Variants in LTN1 observed in about 807,000 individuals in gnomAD.
The protein encoded by LTN1 is E3 ubiquitin-protein ligase listerin.
Under a neutral mutation model 201.2 loss-of-function variants are expected in LTN1, and 88 were observed. That is an observed-to-expected ratio of 0.44 (90% confidence interval 0.37 to 0.52). The LOEUF is 0.52. Among genes scored for constraint, LTN1 ranks in the 20% least tolerant of loss-of-function variants. LTN1 has a pLI of 0.00. For synonymous variants in LTN1, 645 were observed against 713.5 expected (o/e 0.90, Z 1.53); for missense variants, 1,752 against 2,038.7 (o/e 0.86, Z 2.71).
At chr21:28,964,760 T>C (rs78050209) in intron 11 of LTN1, 1 of 1,549,664 alleles carries the variant, frequency 6.5e-7, no homozygotes, top group Non-Finnish European at 8.7e-7. Flanking sequence ...TCACGGCAGG[T>C]ACATTCCTAA....
At chr21:28,944,336 G>T in intron 22 of LTN1, 47 bp downstream of exon 22, 1 of 1,443,608 alleles carries the variant, frequency 6.9e-7, no homozygotes, top group Non-Finnish European at 9.7e-7. Context: ...TTTTCAGTAA[G>T]TCATTTCCAA....
In LTN1 at chr21:28,986,592, C is replaced by A; in HGVS notation, c.246+139G>T. The A allele has an allele frequency of 2.9e-6, 2 of 696,070 alleles. No homozygotes were observed. Among genetic ancestry groups the A allele is most frequent in the East Asian group, 5.4e-5 (2 of 36,816 alleles). 43.1% of individuals were successfully genotyped at this position (696,070 alleles called of 1,614,324 possible). ...AAATAAATATCAACTAAGTTTAAGA[C>A]TCTGTGTCAGAAAAAAGTACAATTA... On this transcript the variant is annotated intron_variant, in intron 2 of 29. Transcript: ENST00000361371. The surrounding 1 kb of genome is among the most constrained non-coding windows in gnomAD (Gnocchi z 4.1).
In LTN1 at chr21:28,967,037, T is replaced by C. The variant is rs375522349; in HGVS notation, c.1454A>G (p.Asn485Ser). The C allele has an allele frequency of 6.5e-5, 105 of 1,614,004 alleles. No homozygotes were observed. The highest frequency in any genetic ancestry group is 8.6e-5 in the Non-Finnish European group (102 of 1,180,022). Residue 485 changes from asparagine to serine, a missense_variant, in exon 10 of 30, where the codon AAC becomes AGC. By Grantham distance (46) the Asn-to-Ser change is conservative. This residue lies in a region of LTN1 where 1,211 missense variants were observed against 1,312.8 expected (regional missense o/e 0.92). Coordinates refer to ENST00000361371, the MANE Select transcript of LTN1 (RefSeq NM_015565.3). ...TCTTTCCCAGAAATGTATCAGTACGTTCTCCAAGTTGTGAGCTGTTTTTTC... is the reference window on the plus strand; with the variant it reads ...TCTTTCCCAGAAATGTATCAGTACGCTCTCCAAGTTGTGAGCTGTTTTTTC... Reference protein sequence around the residue: ...KDEKTAHNLENVLIHFWERLS... With the variant: ...KDEKTAHNLESVLIHFWERLS...
Position 28,957,433 on chromosome 21 carries a change from G to T in LTN1, c.2791C>A (p.Leu931Ile). The stretch of plus-strand genomic sequence containing the variant: ...AGATAAGAATCTTCACTCTCTAGAA[G>T]TGTATTTAGCAAATCATCAACAGCA... Reference protein sequence around the residue: ...LSAVDDLLNTLLESEDSYLMG... With the variant: ...LSAVDDLLNTILESEDSYLMG... Residue 931 changes from leucine (L) to isoleucine (I), a missense_variant, in exon 15 of 30, where the codon CTT becomes ATT. This residue lies in a region of LTN1 where 1,211 missense variants were observed against 1,312.8 expected (regional missense o/e 0.92). Coordinates refer to ENST00000361371, the MANE Select transcript of LTN1 (RefSeq NM_015565.3). 6.3e-7 allele frequency: 1 copy of T among 1,596,872 alleles called. No individual in the cohort carries two copies. The highest frequency in any genetic ancestry group is 8.5e-7 in the Non-Finnish European group (1 of 1,174,392).
chr21:28,969,699 G>A (rs1360519102), intron 8 of LTN1, 98 bp from the exon 9 acceptor site: 19 of 802,980 alleles, frequency 2.4e-5, no homozygotes, highest in Non-Finnish European at 3.5e-5. Context: ...CATGACAGAA[G>A]AAACATTTTT....
Position 28,932,622 on chromosome 21 carries a change from T to C in LTN1, c.4918A>G (p.Thr1640Ala), listed in dbSNP as rs749830081. Reference protein sequence around the residue: ...ATTREVMATYTIEDIVIELII... With the variant: ...ATTREVMATYAIEDIVIELII... The stretch of plus-strand genomic sequence containing the variant: ...AGTTCAATAACTATGTCCTCAATAG[T>C]ATAAGTAGCCATTACCTCTCGAGTA... The change falls in exon 28 of 30, where the codon ACT becomes GCT. Residue 1640 changes from threonine to alanine, a missense_variant. Around this residue, in one of 3 missense-constraint regions of LTN1, gnomAD observed 261 missense variants for 350.1 expected, o/e 0.75. Coordinates refer to ENST00000361371, the MANE Select transcript of LTN1 (RefSeq NM_015565.3). 6.2e-7 allele frequency: 1 copy of C among 1,613,462 alleles called. No homozygotes were observed. Among genetic ancestry groups the C allele is most frequent in the Non-Finnish European group, 8.5e-7 (1 of 1,179,640 alleles).
chr21:28,979,558 T>C (rs1479179938), intron 6 of LTN1, among the ~76,000 whole-genome samples: 1 of 152,142 alleles, frequency 6.6e-6, no homozygotes, highest in Admixed American at 6.6e-5. Flanking sequence ...TTATGTGAAT[T>C]AAAAACTCAA....
chr21:28,968,006 T>C (rs2084540836), intron 9 of LTN1: 7 of 152,102 alleles, frequency 4.6e-5, no homozygotes, highest in Admixed American at 3.9e-4. Context: ...AAATTGTTTT[T>C]TCCACTCACA....
chr21:28,955,232 C>G (rs2084414965), intron 16 of LTN1, among the ~76,000 whole-genome samples: 1 of 152,026 alleles, frequency 6.6e-6, no homozygotes, highest in Non-Finnish European at 1.5e-5. Context: ...CTTTGGGAGG[C>G]TGAGGCAAGA....
chr21:28,965,668 C>T (rs1301404648), intron 11 of LTN1, among the ~76,000 whole-genome samples, 197 bp downstream of exon 11: 3 of 151,964 alleles, frequency 2.0e-5, no homozygotes, highest in African/African-American at 7.2e-5. Flanking sequence ...ATATTACTAA[C>T]CAGAAAAATA....
At chr21:28,979,237 T>C (rs1056301941) in intron 6 of LTN1, among the ~76,000 whole-genome samples, 13 of 152,222 alleles carry the variant, frequency 8.5e-5, no homozygotes, top group Non-Finnish European at 2.9e-5. Context: ...AATGCAGCCC[T>C]TCAGGAGAGC....
In LTN1 at chr21:28,956,751, T is replaced by C. The variant is rs1324799747; in HGVS notation, c.3079+11A>G. On this transcript the variant is annotated intron_variant, in intron 16 of 29. Coordinates refer to ENST00000361371, the MANE Select transcript of LTN1 (RefSeq NM_015565.3). The stretch of plus-strand genomic sequence containing the variant: ...GCATTATGTTATATGTAAATACTCA[T>C]ATATACTTACTTATTTTCTCAAGCT... 1.0e-5 allele frequency: 15 copies of C among 1,489,304 alleles called. No individual in the cohort carries two copies. The highest frequency in any genetic ancestry group is 1.1e-5 in the Non-Finnish European group (12 of 1,081,496). The allele number at this position is 1,489,304 out of a possible 1,614,324, so 92.3% of individuals were successfully genotyped here.
intron 11 of LTN1, chr21:28,964,649 C>A (rs2084506438): frequency 1.9e-6 from 3 of 1,550,256 alleles, no homozygotes; most frequent in Non-Finnish European, 2.6e-6. Context: ...GATGAGGAGG[C>A]TAGTGAGTCA....
At chr21:28,985,994 AG>A in intron 3 of LTN1, 144 bp downstream of exon 3, 1 of 588,444 alleles carries the variant, frequency 1.7e-6, no homozygotes, top group Non-Finnish European at 3.0e-6. Flanking sequence ...GCTCTTCTCA[AG>A]TGTTAACAAT....
chr21:28,931,655 T>C (rs560251536), intron 28 of LTN1, among the ~76,000 whole-genome samples: 1 of 152,378 alleles, frequency 6.6e-6, no homozygotes, highest in South Asian at 2.1e-4. Flanking sequence ...GATGAAATTA[T>C]CTCAAATGAT....
rs2084655045 is a variant in LTN1, at chr21:28,981,099, G to GA, written c.810+19dup. 1 of 1,431,114 alleles carries GA rather than the reference G, an allele frequency of 7.0e-7. No homozygotes were observed. The highest frequency in any genetic ancestry group is 1.4e-5 in the African/African-American group (1 of 69,044). The allele number at this position is 1,431,114 out of a possible 1,614,324, so 88.7% of individuals were successfully genotyped here. On this transcript the variant is annotated intron_variant, in intron 6 of 29. Coordinates refer to ENST00000361371, the MANE Select transcript of LTN1 (RefSeq NM_015565.3). ...GTAAGGAATCAGAGAAATGTCTTAA[G>GA]ATAAAAAAGATTAATATACCTGAGG...
chr21:28,958,270 T>C (rs1284367441), intron 14 of LTN1, 116 bp downstream of exon 14: 20 of 964,110 alleles, frequency 2.1e-5, no homozygotes, highest in South Asian at 1.1e-4. Context: ...GCTGGGATTA[T>C]AGGGACGAGC....
Position 28,969,588 on chromosome 21 carries a change from T to C in LTN1, c.1189A>G (p.Arg397Gly). 6.2e-7 allele frequency: 1 copy of C among 1,602,682 alleles called. No homozygotes were observed. Among genetic ancestry groups the C allele is most frequent in the South Asian group, 1.1e-5 (1 of 89,224 alleles). ...GACTCTAAAGAGCTGGTTTTAGTTCTCTCTGTTGACAGCCTAAGAAATAAT... is the reference window on the plus strand; with the variant it reads ...GACTCTAAAGAGCTGGTTTTAGTTCCCTCTGTTGACAGCCTAAGAAATAAT... ...TSLVAGLSTE[R>G]TKTSSLESSA... The change falls in exon 9 of 30, where the codon AGA (arginine) becomes GGA (glycine). Residue 397 changes from arginine (R) to glycine (G), a missense_variant. Arg to Gly is a moderately radical substitution (Grantham distance 125). Transcript: ENST00000361371.
chr21:28,975,486 C>G (rs1235855413), intron 6 of LTN1, among the ~76,000 whole-genome samples: 3 of 152,132 alleles, frequency 2.0e-5, no homozygotes. Context: ...TAGGGAGATA[C>G]AGAGTAAATA....
Sources: gnomAD v4.1 joint callset for allele counts (sites outside exome capture counted in the v4.1 genomes callset) on GRCh38, gnomAD v4.1.1 for gene constraint, gnomAD v4.1.1 regional missense constraint, Gnocchi (gnomAD v3.1) non-coding constraint, MANE v1.5 for transcripts, NCBI Gene and HGNC (gene_info 2026-07-23, HGNC 2026-07-21) for gene names.